Variants in CCDC149 observed in about 807,000 individuals in gnomAD.
CCDC149 encodes the protein coiled-coil domain-containing protein 149.
In CCDC149, 45 loss-of-function variants were observed where a neutral mutation model predicts 59.9. The ratio of observed to expected loss-of-function variants is 0.75; its 90% CI spans 0.59 to 0.96. The LOEUF is 0.96. Among genes scored for constraint, CCDC149 ranks in the 40% least tolerant of loss-of-function variants. The pLI is 0.00. For missense variants in CCDC149, 584 were observed against 664.7 expected, an observed-to-expected ratio of 0.88 and a Z score of 1.33; for synonymous variants, 245 against 260.6, an observed-to-expected ratio of 0.94 and a Z score of 0.58.
At chr4:24,925,825 A>T (rs1722421921) in intron 1 of CCDC149, among the ~76,000 whole-genome samples, 1 of 152,164 alleles carries the variant, frequency 6.6e-6, no homozygotes, top group African/African-American at 2.4e-5. Flanking sequence ...CCTATTTATT[A>T]ATTTGGGACA....
intron 1 of CCDC149, among the ~76,000 whole-genome samples, chr4:24,926,131 G>T (rs1722428724): frequency 6.6e-6 from 1 of 152,188 alleles, no homozygotes; most frequent in African/African-American, 2.4e-5. Flanking sequence ...GGGAGGTGGA[G>T]ATTACAGTGA....
chr4:24,810,522 G>A (rs2109085716), intron 12 of CCDC149, among the ~76,000 whole-genome samples: 1 of 152,260 alleles, frequency 6.6e-6, no homozygotes, highest in South Asian at 2.1e-4. Flanking sequence ...TTAAAATGCT[G>A]AAATGAGATC....
intron 2 of CCDC149, among the ~76,000 whole-genome samples, chr4:24,875,623 T>C (rs2109245719): frequency 6.6e-6 from 1 of 152,144 alleles, no homozygotes; most frequent in South Asian, 2.1e-4. Flanking sequence ...GGTGTGTCAC[T>C]GCATTTGGCT....
Position 24,939,418 on chromosome 4 carries a change from G to C in CCDC149, c.-65+40651C>G, listed in dbSNP as rs577513417. Among the ~76,000 whole-genome samples the C allele has an allele frequency of 2.6e-3, 400 of 152,186 alleles. 5 individuals carry two copies. Among genetic ancestry groups the C allele is most frequent in the African/African-American group, 9.1e-3 (379 of 41,516 alleles). ...TACGTCACCATCATCAAAGACCAAA[G>C]GTAGATAAAAACCACAAAGATGCGG... On this transcript the variant is annotated intron_variant, in intron 1 of 12. Transcript: ENST00000389609.
intron 1 of CCDC149, among the ~76,000 whole-genome samples, chr4:24,906,527 T>G (rs1721545571): frequency 6.6e-6 from 1 of 151,702 alleles, no homozygotes; most frequent in African/African-American, 2.4e-5. Context: ...GCCTCCCGAG[T>G]AGCTGGGATT....
chr4:24,816,084 T>A (rs1214235963), intron 12 of CCDC149, among the ~76,000 whole-genome samples: 1 of 152,036 alleles, frequency 6.6e-6, no homozygotes, highest in African/African-American at 2.4e-5. Context: ...AAATTTAAAT[T>A]TTTAATTTAA....
At chr4:24,878,282 C>T (rs114209939) in intron 1 of CCDC149, among the ~76,000 whole-genome samples, 1,756 of 148,092 alleles carry the variant, frequency 0.012, 8 homozygotes, top group Non-Finnish European at 0.019. Context: ...AAAGAAAAGG[C>T]ATTCTGAGAC....
chr4:24,943,195 G>T (rs150844255), intron 1 of CCDC149, among the ~76,000 whole-genome samples: 80 of 152,272 alleles, frequency 5.3e-4, no homozygotes, highest in Non-Finnish European at 8.8e-4. Flanking sequence ...GGTACCAAGA[G>T]ATAAAGACCG....
intron 1 of CCDC149, among the ~76,000 whole-genome samples, chr4:24,976,100 T>C (rs1724181003): frequency 6.6e-6 from 1 of 152,212 alleles, no homozygotes; most frequent in Non-Finnish European, 1.5e-5. Flanking sequence ...TTGAGCCCCG[T>C]GTTTAGCTGT....
At chr4:24,826,084 T>C (rs1715721544) in intron 9 of CCDC149, among the ~76,000 whole-genome samples, 1 of 151,848 alleles carries the variant, frequency 6.6e-6, no homozygotes, top group Non-Finnish European at 1.5e-5. Context: ...GCCTCCCGAG[T>C]AGCTGGGACT....
At chr4:24,957,239 C>T (rs1049820862) in intron 1 of CCDC149, among the ~76,000 whole-genome samples, 1 of 152,190 alleles carries the variant, frequency 6.6e-6, no homozygotes, top group Non-Finnish European at 1.5e-5. Flanking sequence ...ATCCAGGGAC[C>T]TTCCATTGTT....
chr4:24,916,787 GGTGTGTGTGTGTGTGTGT>G (rs55857592), upstream of CCDC149, among the ~76,000 whole-genome samples: 3 of 141,922 alleles, frequency 2.1e-5, no homozygotes, highest in Non-Finnish European at 4.6e-5. Context: ...GGTTTATAAT[GGTGTGTGTGTGTGTGTGT>G]GTGTGTGTGT....
chr4:24,847,124 T>C (rs546894082), intron 4 of CCDC149, among the ~76,000 whole-genome samples: 3 of 152,304 alleles, frequency 2.0e-5, no homozygotes, highest in African/African-American at 7.2e-5. Context: ...ACATGCCAGG[T>C]GTCTCACCAG....
rs1714340456 is a variant in CCDC149 at position 24,808,274 on chromosome 4, C to T, written c.*115G>A. The T allele has an allele frequency of 2.1e-6, 2 of 942,838 alleles. No individual in the cohort carries two copies. The highest frequency in any genetic ancestry group is 3.0e-6 in the Non-Finnish European group (2 of 670,606). The allele number at this position is 942,838 out of a possible 1,614,324, so 58.4% of individuals were successfully genotyped here. On this transcript the variant is annotated 3_prime_UTR_variant, in exon 13 of 13. Coordinates refer to ENST00000635206, the MANE Select transcript of CCDC149 (RefSeq NM_001330643.2). Reference sequence around the variant, plus strand: ...GCAACAGGATCAGTGCGTTTTCTCACTTGCAGACTCGGAGGTATTTCAGGA... The same window carrying T: ...GCAACAGGATCAGTGCGTTTTCTCATTTGCAGACTCGGAGGTATTTCAGGA...
At chr4:24,810,258 T>C (rs1459709681) in intron 12 of CCDC149, among the ~76,000 whole-genome samples, 2 of 152,240 alleles carry the variant, frequency 1.3e-5, no homozygotes, top group South Asian at 2.1e-4. Flanking sequence ...TCATCCAGTG[T>C]CTGACACATT....
chr4:24,857,966 A>C (rs1718129748), intron 3 of CCDC149, among the ~76,000 whole-genome samples: 1 of 152,238 alleles, frequency 6.6e-6, no homozygotes, highest in African/African-American at 2.4e-5. Context: ...ATAACTTTGA[A>C]AACTAGAAAA....
At chr4:24,968,542 T>C (rs1407914219) in intron 1 of CCDC149, among the ~76,000 whole-genome samples, 1 of 152,238 alleles carries the variant, frequency 6.6e-6, no homozygotes, top group African/African-American at 2.4e-5. Context: ...GATAAGGCCA[T>C]GGGGCCCGAG....
At chr4:24,824,655 T>C (rs867380902) in intron 9 of CCDC149, among the ~76,000 whole-genome samples, 6 of 152,136 alleles carry the variant, frequency 3.9e-5, no homozygotes, top group Admixed American at 2.0e-4. Flanking sequence ...AGCAATCTCA[T>C]CCACCATACT....
At chr4:24,867,172 C>T (rs1718755510) in intron 3 of CCDC149, among the ~76,000 whole-genome samples, 1 of 152,310 alleles carries the variant, frequency 6.6e-6, no homozygotes, top group African/African-American at 2.4e-5. Context: ...TCATTGAGCA[C>T]TCTCCAACTA....
Sources: gnomAD v4.1 joint callset for allele counts (sites outside exome capture counted in the v4.1 genomes callset) on GRCh38, gnomAD v4.1.1 for gene constraint, MANE v1.5 for transcripts, NCBI Gene and HGNC (gene_info 2026-07-23, HGNC 2026-07-21) for gene names.